Variants in PRDM10 observed in about 807,000 individuals in gnomAD.
The protein encoded by PRDM10 is PR/SET domain 10.
In PRDM10, 65 loss-of-function variants were observed where a neutral mutation model predicts 133.1. The ratio of observed to expected loss-of-function variants is 0.49; its 90% CI spans 0.40 to 0.60. PRDM10 has a LOEUF of 0.60. Among genes scored for constraint, PRDM10 ranks in the 20% least tolerant of loss-of-function variants. PRDM10 has a pLI of 0.00. For missense variants in PRDM10, 1,137 were observed against 1,507.1 expected, an observed-to-expected ratio of 0.75 and a Z score of 4.07; for synonymous variants, 582 against 580.4, an observed-to-expected ratio of 1.00 and a Z score of -0.04.
In PRDM10 at chr11:129,899,717, C is replaced by A. The variant is rs1949791879; in HGVS notation, c.*2596G>T. The A allele has an allele frequency of 1.3e-5, 2 of 152,478 alleles. No individual in the cohort carries two copies. The highest frequency in any genetic ancestry group is 4.1e-4 in the South Asian group (2 of 4,832). 9.4% of individuals were successfully genotyped at this position (152,478 alleles called of 1,614,324 possible). On this transcript the variant is annotated 3_prime_UTR_variant, in exon 21 of 21. Coordinates refer to ENST00000360871, the MANE Select transcript of PRDM10 (RefSeq NM_199437.2). ...GAAAAAAAAATAGCTCTTGTAGCTT[C>A]ACACATACAAACATGTTTATTAAAA...
chr11:129,927,986 G>A (rs1950735831), intron 11 of PRDM10, among the ~76,000 whole-genome samples: 1 of 152,016 alleles, frequency 6.6e-6, no homozygotes, highest in South Asian at 2.1e-4. Context: ...GCTACTCTAG[G>A]GATACCAAAA....
At chr11:129,935,835 C>T (rs917001802) in intron 8 of PRDM10, among the ~76,000 whole-genome samples, 2 of 152,170 alleles carry the variant, frequency 1.3e-5, no homozygotes, top group Non-Finnish European at 2.9e-5. Context: ...TGGTCTTTGT[C>T]CCTAGTTGGT....
intron 8 of PRDM10, among the ~76,000 whole-genome samples, chr11:129,936,153 G>T (rs1330749089): frequency 6.6e-6 from 1 of 152,124 alleles, no homozygotes; most frequent in Non-Finnish European, 1.5e-5. Flanking sequence ...GCTCGGGTGA[G>T]CTTCTATGGT....
intron 1 of PRDM10, among the ~76,000 whole-genome samples, chr11:129,982,981 T>A (rs78982197): frequency 0.17 from 24,904 of 150,606 alleles, 4,146 homozygotes; most frequent in East Asian, 0.5. Context: ...CTTTAAAAAA[T>A]TTTTTTTTTC....
chr11:129,947,023 A>T lies in PRDM10; in HGVS notation c.520+122T>A. On this transcript the variant is annotated intron_variant, in intron 5 of 20. Transcript: ENST00000360871. The surrounding 1 kb of genome is among the most constrained non-coding windows in gnomAD (Gnocchi z 4.6). The stretch of plus-strand genomic sequence containing the variant: ...GTGGGATGAAGCAAGCAGAGAATGT[A>T]GCACAGTTGGCTGCACACGGAAGGA... The T allele has an allele frequency of 1.5e-6, 2 of 1,334,860 alleles. No individual in the cohort carries two copies. The highest frequency in any genetic ancestry group is 2.1e-6 in the Non-Finnish European group (2 of 969,212). The allele number at this position is 1,334,860 out of a possible 1,614,324, so 82.7% of individuals were successfully genotyped here. A position where few individuals can be genotyped will look rare whatever the true frequency, so the allele number is the denominator to read the frequency against.
At chr11:129,934,671 T>G (rs1253679575) in intron 9 of PRDM10, among the ~76,000 whole-genome samples, 5 of 152,242 alleles carry the variant, frequency 3.3e-5, no homozygotes, top group African/African-American at 1.2e-4. Context: ...CTACCTGATC[T>G]GGCCCCTGCC....
chr11:129,966,475 G>A (rs933439008), intron 1 of PRDM10, among the ~76,000 whole-genome samples: 2 of 152,116 alleles, frequency 1.3e-5, no homozygotes, highest in African/African-American at 4.8e-5. Context: ...ATCTCACTTC[G>A]AATGAGTCAT....
intron 1 of PRDM10, among the ~76,000 whole-genome samples, chr11:129,966,783 C>A (rs1951916083): frequency 6.6e-6 from 1 of 152,102 alleles, no homozygotes; most frequent in Admixed American, 6.5e-5. Flanking sequence ...ATTTGCAGAA[C>A]AGGTAATAGA....
Position 129,957,832 on chromosome 11 carries a change from C to G in PRDM10, c.148G>C (p.Val50Leu), listed in dbSNP as rs142881965. 9 of 1,614,114 alleles carry G rather than the reference C, an allele frequency of 5.6e-6. No homozygotes were observed. In the African/African-American group the frequency reaches 9.3e-5, roughly 17 times the overall value. Residue 50 changes from valine (V) to leucine (L), a missense_variant, in exon 3 of 21, where the codon GTG (valine) becomes CTG (leucine). Coordinates refer to ENST00000360871, the MANE Select transcript of PRDM10 (RefSeq NM_199437.2). ...TAGGAGGCACCATCTGCCGTGTACA[C>G]CACCTGCTGTGGGGGGCGAACCTGG... ...DDQVRPPQQV[V>L]YTADGASYTS...
rs1326699567 is a variant in PRDM10, at chr11:129,947,730, T to C, written c.295-360A>G. The stretch of plus-strand genomic sequence containing the variant: ...CCCACCCCTAAAACTTAATAAAACC[T>C]GGTCTCTTCCTGGCTCATTCAGCCG... On this transcript the variant is annotated intron_variant, in intron 4 of 20. Transcript: ENST00000360871. This position sits in a 1 kb window ranked among gnomAD's most constrained non-coding sequence, Gnocchi z 4.6. The C allele has an allele frequency of 4.7e-6, 2 of 425,644 alleles. No individual in the cohort carries two copies. Among genetic ancestry groups the C allele is most frequent in the Non-Finnish European group, 4.3e-6 (1 of 234,106 alleles). The allele number at this position is 425,644 out of a possible 1,614,324, so 26.4% of individuals were successfully genotyped here. A position where few individuals can be genotyped will look rare whatever the true frequency, so the allele number is the denominator to read the frequency against.
chr11:129,943,722 C>T (rs928371215), intron 6 of PRDM10, among the ~76,000 whole-genome samples: 27 of 152,100 alleles, frequency 1.8e-4, no homozygotes, highest in South Asian at 6.2e-4. Context: ...TAGCCAGATG[C>T]GGTGGCTCAT....
rs1031040595 is a variant in PRDM10 at position 129,909,094 on chromosome 11, T to A, written c.3163+1382A>T. On this transcript the variant is annotated intron_variant, in intron 19 of 20. Coordinates refer to ENST00000360871, the MANE Select transcript of PRDM10 (RefSeq NM_199437.2). ...GGTCAGTCTATTCACCAGATTCTAG[T>A]GGTAAGAGAGTCCCTGACTGGAAAC... Among the ~76,000 whole-genome samples the A allele has an allele frequency of 5.3e-5, 8 of 152,204 alleles. No individual in the cohort carries two copies. The South Asian group carries it at 1.0e-3, about 20-fold the overall frequency.
rs1388230838 is a variant in PRDM10, at chr11:129,957,845, G to A, written c.135C>T (p.Pro45=). The A allele has an allele frequency of 1.2e-6, 2 of 1,614,184 alleles. No homozygotes were observed. Among genetic ancestry groups the A allele is most frequent in the Non-Finnish European group, 1.7e-6 (2 of 1,180,016 alleles). Residue 45 remains proline, a synonymous_variant, in exon 3 of 21, where the codon CCC becomes CCT. Coordinates refer to ENST00000360871, the MANE Select transcript of PRDM10 (RefSeq NM_199437.2). ...QIVYTDDQVR[P]PQQVVYTADG... ...CTGCCGTGTACACCACCTGCTGTGGGGGGCGAACCTGGTCATCGGTATAGA... is the reference window on the plus strand; with the variant it reads ...CTGCCGTGTACACCACCTGCTGTGGAGGGCGAACCTGGTCATCGGTATAGA...
intron 3 of PRDM10, among the ~76,000 whole-genome samples, chr11:129,956,096 T>C (rs1951691158): frequency 6.6e-6 from 1 of 152,148 alleles, no homozygotes; most frequent in Non-Finnish European, 1.5e-5. Context: ...TTCCATGAGT[T>C]CTTTTCTACA....
At chr11:129,966,666 G>A (rs1259740839) in intron 1 of PRDM10, among the ~76,000 whole-genome samples, 2 of 152,238 alleles carry the variant, frequency 1.3e-5, no homozygotes, top group Admixed American at 6.5e-5. Flanking sequence ...ACAGAACCTG[G>A]GTATAAAAGA....
At chr11:130,000,283 A>T (rs1939279387) in intron 1 of PRDM10, among the ~76,000 whole-genome samples, 1 of 152,136 alleles carries the variant, frequency 6.6e-6, no homozygotes, top group South Asian at 2.1e-4. Flanking sequence ...ACCTCAGGTG[A>T]TCTGCCCGCC....
chr11:129,998,308 T>C (rs989960123), intron 1 of PRDM10, among the ~76,000 whole-genome samples: 3 of 151,928 alleles, frequency 2.0e-5, no homozygotes, highest in Admixed American at 6.6e-5. Flanking sequence ...ATCTGATTTC[T>C]AGAAATCACA....
chr11:129,933,709 CAA>C (rs1485290572), intron 9 of PRDM10, among the ~76,000 whole-genome samples: 4 of 152,048 alleles, frequency 2.6e-5, no homozygotes, highest in Non-Finnish European at 5.9e-5. Context: ...GCATATAAAC[CAA>C]AAATCACAAT....
intron 17 of PRDM10, chr11:129,914,389 G>A (rs1950286156): frequency 1.8e-5 from 8 of 435,982 alleles, no homozygotes; most frequent in South Asian, 1.7e-4. Context: ...TTACCAAGCA[G>A]CCAACCAGGA....
Sources: allele counts gnomAD v4.1 joint callset (sites outside exome capture counted in the v4.1 genomes callset), GRCh38; gene constraint gnomAD v4.1.1; non-coding constraint Gnocchi (gnomAD v3.1); transcripts MANE v1.5; gene names NCBI Gene and HGNC (gene_info 2026-07-23, HGNC 2026-07-21).